The following RPAP2 variants were observed in gnomAD, a reference collection of about 807,000 sequenced individuals.
RPAP2 encodes the protein RNA polymerase II associated protein 2.
RPAP2 carries 52 observed loss-of-function variants against 73.1 expected under a neutral mutation model. The observed-to-expected ratio is 0.71, with a 90% confidence interval of 0.57 to 0.90. The LOEUF is 0.90. Among genes scored for constraint, RPAP2 ranks in the 40% least tolerant of loss-of-function variants. The pLI is 0.00. For missense variants in RPAP2, 598 were observed against 701.8 expected (o/e 0.85, Z 1.67); for synonymous variants, 225 against 242.1 (o/e 0.93, Z 0.65).
chr1:92,328,792 G>A (rs548304777), intron 8 of RPAP2, among the ~76,000 whole-genome samples: 1 of 152,268 alleles, frequency 6.6e-6, no homozygotes, highest in East Asian at 1.9e-4. Context: ...AGGAAGATCT[G>A]GGACTCAAGG....
intron 8 of RPAP2, among the ~76,000 whole-genome samples, chr1:92,328,325 A>G (rs925250528): frequency 3.9e-5 from 6 of 152,148 alleles, no homozygotes; most frequent in African/African-American, 1.2e-4. Flanking sequence ...CATAATCCCA[A>G]ACTTCTTGGA....
In RPAP2 at chr1:92,399,128, G is replaced by A. The variant is rs1656254928; in HGVS notation, c.*12117G>A. Reference sequence around the variant, plus strand: ...TTTAAATGAGCTGGCCTCACCTCTGGGGCCTATGAAGAAAAGCCTGCTTCA... The same window carrying A: ...TTTAAATGAGCTGGCCTCACCTCTGAGGCCTATGAAGAAAAGCCTGCTTCA... On this transcript the variant is annotated 3_prime_UTR_variant, in exon 13 of 13. Coordinates refer to ENST00000610020, the MANE Select transcript of RPAP2 (RefSeq NM_024813.3). 2 of 152,184 alleles carry A rather than the reference G, an allele frequency of 1.3e-5. No individual in the cohort carries two copies. Among genetic ancestry groups the A allele is most frequent in the Admixed American group, 1.3e-4 (2 of 15,272 alleles). The allele number at this position is 152,184 out of a possible 1,614,324, so 9.4% of individuals were successfully genotyped here.
chr1:92,397,678 G>C lies in RPAP2; in HGVS notation c.*10667G>C, dbSNP rs939235723. 2 of 152,282 alleles carry C rather than the reference G, an allele frequency of 1.3e-5. No individual in the cohort carries two copies. The highest frequency in any genetic ancestry group is 2.9e-5 in the Non-Finnish European group (2 of 68,024). 9.4% of individuals were successfully genotyped at this position (152,282 alleles called of 1,614,324 possible). A position where few individuals can be genotyped will look rare whatever the true frequency, so the allele number is the denominator to read the frequency against. ...GAATTCAGTTCAAAGTACTGTGCTG[G>C]ATTTTGGTTTCTAAATATTTTCCAA... On this transcript the variant is annotated 3_prime_UTR_variant, in exon 13 of 13. Transcript: ENST00000610020.
At chr1:92,318,671 A>G (rs1227195036) in intron 6 of RPAP2, among the ~76,000 whole-genome samples, 1 of 152,120 alleles carries the variant, frequency 6.6e-6, no homozygotes. Context: ...CTGATAAAGT[A>G]CCCTCCTTTA....
chr1:92,373,290 AAAG>A (rs1655228241), intron 11 of RPAP2, among the ~76,000 whole-genome samples: 1 of 152,218 alleles, frequency 6.6e-6, no homozygotes, highest in African/African-American at 2.4e-5. Context: ...GCAAGCCTCT[AAAG>A]AAGCCTCTAA....
chr1:92,320,186 A>C (rs984857093), intron 6 of RPAP2, among the ~76,000 whole-genome samples: 1 of 152,168 alleles, frequency 6.6e-6, no homozygotes, highest in African/African-American at 2.4e-5. Flanking sequence ...ATTTGAACTT[A>C]ACCCTGAAAA....
At chr1:92,357,536 A>AT (rs1000478450) in intron 11 of RPAP2, among the ~76,000 whole-genome samples, 2 of 152,006 alleles carry the variant, frequency 1.3e-5, no homozygotes, top group East Asian at 1.9e-4. Context: ...GTACTGATGG[A>AT]TTTTTTTTGT....
chr1:92,382,308 T>G (rs1308895812), intron 12 of RPAP2, among the ~76,000 whole-genome samples: 2 of 152,222 alleles, frequency 1.3e-5, no homozygotes, highest in African/African-American at 4.8e-5. Flanking sequence ...CTGGGTCAAA[T>G]GGTATTTCTA....
chr1:92,326,900 G>T (rs1298799681), intron 8 of RPAP2, among the ~76,000 whole-genome samples: 1 of 152,194 alleles, frequency 6.6e-6, no homozygotes, highest in African/African-American at 2.4e-5. Context: ...GAACAAGTAG[G>T]GCTTTCACAT....
chr1:92,316,325 G>C (rs115375041), intron 6 of RPAP2, among the ~76,000 whole-genome samples: 446 of 152,212 alleles, frequency 2.9e-3, no homozygotes, highest in Middle Eastern at 0.01. Flanking sequence ...CACCTCTGTT[G>C]CTTGGTATGC....
intron 12 of RPAP2, among the ~76,000 whole-genome samples, chr1:92,383,487 C>G (rs1225742006): frequency 6.6e-6 from 1 of 152,096 alleles, no homozygotes; most frequent in African/African-American, 2.4e-5. Flanking sequence ...TCCTTCACAT[C>G]CCTTGTAAGT....
chr1:92,363,070 A>G (rs1224022570), intron 11 of RPAP2, among the ~76,000 whole-genome samples: 1 of 152,162 alleles, frequency 6.6e-6, no homozygotes, highest in East Asian at 1.9e-4. Flanking sequence ...TCCAGGGGGA[A>G]AAAAATGCAC....
intron 9 of RPAP2, among the ~76,000 whole-genome samples, 170 bp downstream of exon 9, chr1:92,333,643 C>T (rs1201341669): frequency 6.6e-6 from 1 of 151,834 alleles, no homozygotes; most frequent in Non-Finnish European, 1.5e-5. Context: ...ATATTTTATC[C>T]AAGAAATACA....
intron 12 of RPAP2, among the ~76,000 whole-genome samples, chr1:92,384,547 T>G (rs999890551): frequency 2.0e-5 from 3 of 149,690 alleles, no homozygotes; most frequent in African/African-American, 7.4e-5. Context: ...TCACTTGAAC[T>G]CAGGAGGTGG....
At chr1:92,311,932 G>A (rs771813016) in intron 6 of RPAP2, among the ~76,000 whole-genome samples, 1 of 152,196 alleles carries the variant, frequency 6.6e-6, no homozygotes, top group Non-Finnish European at 1.5e-5. Context: ...GAAGGGTCCT[G>A]TTTTGATGTG....
At position 92,400,808 on chromosome 1, in the gene RPAP2, A is replaced by C. The variant is rs1289549946; in HGVS notation, c.*13797A>C. The C allele has an allele frequency of 6.6e-6, 1 of 152,224 alleles. No individual in the cohort carries two copies. The allele number at this position is 152,224 out of a possible 1,614,324, so 9.4% of individuals were successfully genotyped here. On this transcript the variant is annotated 3_prime_UTR_variant, in exon 13 of 13. Transcript: ENST00000610020. ...GAAATCCTCTAGGGCAGAGAAGGAA[A>C]ATTTACCAAATGGGAGAGTGTATTA...
chr1:92,333,207 A>T (rs1025572750), intron 8 of RPAP2, 184 bp from the exon 9 acceptor site: 7 of 548,824 alleles, frequency 1.3e-5, no homozygotes, highest in Non-Finnish European at 2.3e-5. Context: ...AAATGACTCA[A>T]AGAAGTTCAC....
rs779551947 is a variant in RPAP2 at position 92,399,784 on chromosome 1, G to A, written c.*12773G>A. The A allele has an allele frequency of 1.3e-5, 2 of 152,002 alleles. No individual in the cohort carries two copies. The highest frequency in any genetic ancestry group is 2.9e-5 in the Non-Finnish European group (2 of 68,008). 9.4% of individuals were successfully genotyped at this position (152,002 alleles called of 1,614,324 possible). Reference sequence around the variant, plus strand: ...TTAACACATTATCCATCTTTGGGGGGAAAAAATACACTAAATTTTAGACAG... The same window carrying A: ...TTAACACATTATCCATCTTTGGGGGAAAAAAATACACTAAATTTTAGACAG... On this transcript the variant is annotated 3_prime_UTR_variant, in exon 13 of 13. Coordinates refer to ENST00000610020, the MANE Select transcript of RPAP2 (RefSeq NM_024813.3).
intron 3 of RPAP2, among the ~76,000 whole-genome samples, chr1:92,303,310 A>T (rs1390863271): frequency 1.3e-5 from 2 of 152,234 alleles, no homozygotes; most frequent in Non-Finnish European, 2.9e-5. Flanking sequence ...TTTGAAACAT[A>T]AAACTTACAT....
Sources: allele counts gnomAD v4.1 joint callset (sites outside exome capture counted in the v4.1 genomes callset), GRCh38; gene constraint gnomAD v4.1.1; transcripts MANE v1.5; gene names NCBI Gene and HGNC (gene_info 2026-07-23, HGNC 2026-07-21).